The following CRHBP variants were observed in gnomAD, a reference collection of about 807,000 sequenced individuals.
CRHBP encodes the protein corticotropin-releasing hormone-binding protein.
CRHBP carries 19 observed loss-of-function variants against 34.9 expected under a neutral mutation model. The ratio of observed to expected loss-of-function variants is 0.55; its 90% confidence interval spans 0.38 to 0.80. The LOEUF (loss-of-function observed/expected upper bound fraction) is 0.80. CRHBP is among the 30% of genes least tolerant of loss of function. The pLI is 0.00. For missense variants in CRHBP, 328 were observed against 409.2 expected, an observed-to-expected ratio of 0.80 and a Z score of 1.71; for synonymous variants, 154 against 153.4, an observed-to-expected ratio of 1.00 and a Z score of -0.03.
At chr5:76,957,620 G>A (rs560867270) in intron 4 of CRHBP, among the ~76,000 whole-genome samples, 8 of 152,028 alleles carry the variant, frequency 5.3e-5, no homozygotes, top group African/African-American at 1.7e-4. Flanking sequence ...TCCTGACCTC[G>A]TGATCCACCC....
intron 3 of CRHBP, among the ~76,000 whole-genome samples, chr5:76,976,764 G>A (rs1746040523): frequency 6.6e-6 from 1 of 152,146 alleles, no homozygotes; most frequent in Non-Finnish European, 1.5e-5. Flanking sequence ...CTTCTAAAAT[G>A]TTTTCTATTT....
intron 2 of CRHBP, among the ~76,000 whole-genome samples, chr5:76,975,543 C>T (rs1030533952): frequency 1.3e-5 from 2 of 151,834 alleles, no homozygotes; most frequent in Admixed American, 6.6e-5. Context: ...TGGCTCATAC[C>T]TGTAATCCCA....
At chr5:76,977,289 GT>G (rs1418747309) in intron 3 of CRHBP, among the ~76,000 whole-genome samples, 2 of 152,206 alleles carry the variant, frequency 1.3e-5, no homozygotes, top group East Asian at 3.8e-4. Flanking sequence ...GGCATACCTT[GT>G]TTTATTGCAC....
intron 2 of CRHBP, 99 bp downstream of exon 2, chr5:76,953,793 T>A: frequency 1.5e-6 from 2 of 1,333,084 alleles, no homozygotes; most frequent in Non-Finnish European, 2.1e-6. Flanking sequence ...GGGAAGGGGC[T>A]GGCCGGAACC....
chr5:76,970,298 A>G (rs981951544), downstream of CRHBP, among the ~76,000 whole-genome samples: 1 of 152,130 alleles, frequency 6.6e-6, no homozygotes, highest in Non-Finnish European at 1.5e-5. Flanking sequence ...TGAAAGCTTC[A>G]AACTATGCCA....
Position 76,963,360 on chromosome 5 carries a change from C to G in CRHBP, c.711C>G (p.Cys237Trp). ...TCCCTTAGAAATCCTCAGCAGGTTGCGAGGGAATAGGAGACTTTGTGGAGC... is the reference window on the plus strand; with the variant it reads ...TCCCTTAGAAATCCTCAGCAGGTTGGGAGGGAATAGGAGACTTTGTGGAGC... ...GLQLKKSSAG[C>W]EGIGDFVELL... The change falls in exon 6 of 7, where the codon TGC (cysteine) becomes TGG (tryptophan). Residue 237 changes from cysteine to tryptophan, a missense_variant. By Grantham distance (215) the Cys-to-Trp change is radical. Around this residue, in one of 3 missense-constraint regions of CRHBP, gnomAD observed 144 missense variants for 216.7 expected, o/e 0.66. Coordinates refer to ENST00000274368, the MANE Select transcript of CRHBP (RefSeq NM_001882.4). 2 of 1,613,928 alleles carry G rather than the reference C, an allele frequency of 1.2e-6. No individual in the cohort carries two copies. Among genetic ancestry groups the G allele is most frequent in the Non-Finnish European group, 1.7e-6 (2 of 1,179,902 alleles).
chr5:76,962,637 G>T (rs973547131), intron 5 of CRHBP, among the ~76,000 whole-genome samples: 5 of 148,652 alleles, frequency 3.4e-5, no homozygotes, highest in African/African-American at 1.2e-4. Context: ...AAAAAAAAAA[G>T]GGGGAAGCAG....
intron 1 of CRHBP, 75 bp from the exon 2 acceptor site, chr5:76,953,525 AG>A: frequency 7.3e-7 from 1 of 1,361,648 alleles, no homozygotes; most frequent in Middle Eastern, 1.8e-4. Context: ...AGTGGCAGGG[AG>A]GGTGCCCCGC....
At chr5:76,971,324 T>C (rs1246019526), downstream of CRHBP, among the ~76,000 whole-genome samples, 3 of 152,212 alleles carry the variant, frequency 2.0e-5, no homozygotes, top group South Asian at 6.2e-4. Context: ...TTCAAAAGGT[T>C]TTTGGCCACA....
intron 3 of CRHBP, among the ~76,000 whole-genome samples, chr5:76,978,113 C>T (rs1746067149): frequency 6.6e-6 from 1 of 152,006 alleles, no homozygotes; most frequent in Admixed American, 6.6e-5. Context: ...GAGGTTGCTT[C>T]ATGAGGTTTA....
At chr5:76,959,430 A>T (rs937143716) in intron 5 of CRHBP, among the ~76,000 whole-genome samples, 7 of 152,226 alleles carry the variant, frequency 4.6e-5, no homozygotes, top group African/African-American at 1.7e-4. Context: ...TTGCCTAAAA[A>T]ATATTAGCCA....
chr5:76,953,989 T>C, intron 2 of CRHBP, 40 bp from the exon 3 acceptor site: 1 of 1,571,700 alleles, frequency 6.4e-7, no homozygotes, highest in Non-Finnish European at 8.6e-7. Context: ...CTGCGGCGGC[T>C]GCAGCCCGGG....
At position 76,953,151 on chromosome 5, in the gene CRHBP, A is replaced by G. The variant is rs1745596311; in HGVS notation, c.17A>G (p.Lys6Arg). Residue 6 changes from lysine (K) to arginine (R), a missense_variant, in exon 1 of 7, where the codon AAA becomes AGA. This residue lies in a region of CRHBP where 11 missense variants were observed against 20.3 expected (regional missense o/e 0.54). Transcript: ENST00000274368. ...AAGGCCAGCATGTCGCCCAACTTCA[A>G]ACTTCAGTGTCACTTCATTCTCATC... MSPNF[K>R]LQCHFILIFL... 2 of 1,614,084 alleles carry G rather than the reference A, an allele frequency of 1.2e-6. No homozygotes were observed. The highest frequency in any genetic ancestry group is 1.7e-5 in the Admixed American group (1 of 60,008).
chr5:76,978,772 T>C (rs1006339913), intron 3 of CRHBP, among the ~76,000 whole-genome samples: 4 of 152,228 alleles, frequency 2.6e-5, no homozygotes, highest in Non-Finnish European at 4.4e-5. Context: ...GAAGATGCTA[T>C]GAATATTGTT....
chr5:76,958,897 GCTTA>G lies in CRHBP; in HGVS notation c.693+12_693+15del. 2 of 1,612,712 alleles carry G rather than the reference GCTTA, an allele frequency of 1.2e-6. No individual in the cohort carries two copies. The highest frequency in any genetic ancestry group is 1.7e-6 in the Non-Finnish European group (2 of 1,179,656). Reference sequence around the variant, plus strand: ...AATGGTCTTCAGTTAAAGGTGAGTTGCTTACTTGTTTCCTAACCGTTTGATAAGG... The same window carrying G: ...AATGGTCTTCAGTTAAAGGTGAGTTGCTTGTTTCCTAACCGTTTGATAAGG... On this transcript the variant is annotated intron_variant, in intron 5 of 6. Coordinates refer to ENST00000274368, the MANE Select transcript of CRHBP (RefSeq NM_001882.4).
chr5:76,973,841 G>C (rs1219636220), downstream of CRHBP, among the ~76,000 whole-genome samples: 2 of 151,962 alleles, frequency 1.3e-5, no homozygotes, highest in African/African-American at 2.4e-5. Flanking sequence ...GTCTTGCTCT[G>C]TCACTCAGCC....
At chr5:76,968,370 C>T (rs913436628) in intron 6 of CRHBP, among the ~76,000 whole-genome samples, 5 of 152,140 alleles carry the variant, frequency 3.3e-5, no homozygotes, top group South Asian at 4.1e-4. Flanking sequence ...TCCCTGAACC[C>T]GAGCAACTGT....
chr5:76,976,947 G>A (rs1314321566), intron 3 of CRHBP, among the ~76,000 whole-genome samples: 2 of 152,116 alleles, frequency 1.3e-5, no homozygotes, highest in Non-Finnish European at 2.9e-5. Context: ...CTAAGAAGAT[G>A]GTAGATCAAC....
chr5:76,966,175 C>T (rs1430324285), intron 6 of CRHBP, among the ~76,000 whole-genome samples: 1 of 152,210 alleles, frequency 6.6e-6, no homozygotes, highest in South Asian at 2.1e-4. Context: ...TGTGCCACCA[C>T]GCCTGGCTAA....
Sources: allele counts gnomAD v4.1 joint callset (sites outside exome capture counted in the v4.1 genomes callset), GRCh38; gene constraint gnomAD v4.1.1; regional missense constraint gnomAD v4.1.1; transcripts MANE v1.5; gene names NCBI Gene and HGNC (gene_info 2026-07-23, HGNC 2026-07-21).